Variants in ARB2A observed in about 807,000 individuals in gnomAD.
ARB2A encodes ARB2 cotranscriptional regulator A.
At chr5:93,937,124 C>A in the ARB2A span, among the ~76,000 whole-genome samples, 1 of 151,782 alleles carries the variant, frequency 6.6e-6, no homozygotes, top group Non-Finnish European at 1.5e-5. Flanking sequence ...CCGCCCGCCC[C>A]TGCCTCCCAA....
chr5:93,702,841 A>C, the ARB2A span, among the ~76,000 whole-genome samples: 1 of 152,312 alleles, frequency 6.6e-6, no homozygotes, highest in East Asian at 1.9e-4. Flanking sequence ...TTTCAAGTTT[A>C]AGAGTTTCAT....
the ARB2A span, among the ~76,000 whole-genome samples, chr5:93,887,958 C>G: frequency 6.6e-6 from 1 of 151,708 alleles, no homozygotes; most frequent in African/African-American, 2.4e-5. Flanking sequence ...TTGTATCTTC[C>G]CTTGTTCCCT....
chr5:94,111,654 C>CG, the ARB2A span: 7 of 152,404 alleles, frequency 4.6e-5, no homozygotes, highest in South Asian at 1.4e-3. Flanking sequence ...GTTGCACTTC[C>CG]GGGGTCTTCA....
chr5:93,740,508 G>C, the ARB2A span: 2 of 1,476,598 alleles, frequency 1.4e-6, no homozygotes, highest in East Asian at 2.3e-5. Flanking sequence ...ATGAACCCTA[G>C]GGACATTTCC....
At chr5:93,912,602 T>C in the ARB2A span, among the ~76,000 whole-genome samples, 1 of 151,646 alleles carries the variant, frequency 6.6e-6, no homozygotes, top group Non-Finnish European at 1.5e-5. Context: ...TTTATTTTGG[T>C]CCCAAAAAAG....
the ARB2A span, among the ~76,000 whole-genome samples, chr5:93,780,673 C>T: frequency 6.6e-6 from 1 of 152,070 alleles, no homozygotes; most frequent in Non-Finnish European, 1.5e-5. Context: ...GATTCTCCTG[C>T]CTCAGCCTCT....
chr5:93,787,114 A>G, the ARB2A span, among the ~76,000 whole-genome samples: 1 of 152,196 alleles, frequency 6.6e-6, no homozygotes, highest in East Asian at 1.9e-4. Context: ...GGGCATATGA[A>G]TATTTTTTTG....
At chr5:93,953,446 A>T in the ARB2A span, among the ~76,000 whole-genome samples, 3 of 152,070 alleles carry the variant, frequency 2.0e-5, no homozygotes, top group Non-Finnish European at 4.4e-5. Context: ...TTTGGATAAG[A>T]TCTGGAAGAA....
At chr5:93,969,934 T>C in the ARB2A span, among the ~76,000 whole-genome samples, 3 of 152,194 alleles carry the variant, frequency 2.0e-5, no homozygotes, top group South Asian at 2.1e-4. Flanking sequence ...ACAGATCCTT[T>C]TGAGAAATAA....
chr5:93,968,738 A>G, the ARB2A span, among the ~76,000 whole-genome samples: 1 of 152,102 alleles, frequency 6.6e-6, no homozygotes, highest in East Asian at 1.9e-4. Flanking sequence ...CTGGATAAAT[A>G]AAACAAAGAA....
chr5:94,044,057 G>C, the ARB2A span, among the ~76,000 whole-genome samples: 2 of 152,122 alleles, frequency 1.3e-5, no homozygotes, highest in Non-Finnish European at 2.9e-5. Context: ...GGCTAACCCT[G>C]CTTATTCCTG....
chr5:93,906,762 A>G, the ARB2A span, among the ~76,000 whole-genome samples: 8 of 151,604 alleles, frequency 5.3e-5, no homozygotes, highest in South Asian at 1.7e-3. Context: ...TGCTAACCCC[A>G]AAAAGACTCT....
the ARB2A span, among the ~76,000 whole-genome samples, chr5:93,634,829 G>GC: frequency 6.6e-6 from 1 of 151,938 alleles, no homozygotes; most frequent in African/African-American, 2.4e-5. Flanking sequence ...AGGCTGGAGT[G>GC]CAAGGGCGTG....
chr5:93,694,438 A>T, the ARB2A span, among the ~76,000 whole-genome samples: 1 of 152,210 alleles, frequency 6.6e-6, no homozygotes, highest in Admixed American at 6.5e-5. Context: ...CCCATTCACA[A>T]TTGCAACTAA....
the ARB2A span, among the ~76,000 whole-genome samples, chr5:94,019,806 C>A: frequency 1.3e-5 from 2 of 152,180 alleles, no homozygotes; most frequent in Non-Finnish European, 2.9e-5. Context: ...GATTATAAAT[C>A]ATTCTACTAT....
the ARB2A span, among the ~76,000 whole-genome samples, chr5:94,012,660 A>G: frequency 6.6e-6 from 1 of 150,454 alleles, no homozygotes; most frequent in East Asian, 1.9e-4. Context: ...GTCCAGCCAA[A>G]GCCAGTCTAA....
the ARB2A span, among the ~76,000 whole-genome samples, chr5:93,898,498 A>C: frequency 6.6e-6 from 1 of 151,988 alleles, no homozygotes; most frequent in African/African-American, 2.4e-5. Flanking sequence ...CTGAGGCTTA[A>C]CTTAATTTTG....
chr5:93,974,922 T>C, the ARB2A span, among the ~76,000 whole-genome samples: 1 of 152,088 alleles, frequency 6.6e-6, no homozygotes, highest in Admixed American at 6.5e-5. Flanking sequence ...AATCAAAAAA[T>C]TCTTTTAAAC....
the ARB2A span, among the ~76,000 whole-genome samples, chr5:94,041,319 C>T: frequency 2.0e-5 from 3 of 151,952 alleles, no homozygotes; most frequent in African/African-American, 4.8e-5. Flanking sequence ...CTTTTCAAGA[C>T]GGCCCAGCAA....
Sources: allele counts gnomAD v4.1 joint callset (sites outside exome capture counted in the v4.1 genomes callset), GRCh38; gene constraint gnomAD v4.1.1; transcripts MANE v1.5; gene names NCBI Gene and HGNC (gene_info 2026-07-23, HGNC 2026-07-21).